SLC25A13: variants seen among roughly 807,000 people sequenced by gnomAD.
The protein encoded by SLC25A13 is electrogenic aspartate/glutamate antiporter SLC25A13, mitochondrial.
A neutral mutation model predicts 85.5 loss-of-function variants in SLC25A13; 70 were observed. The ratio of observed to expected loss-of-function variants is 0.82; its 90% CI spans 0.68 to 1.00. The LOEUF (loss-of-function observed/expected upper bound fraction) is 1.00, where lower values mean the gene tolerates loss of function less well. SLC25A13 is among the 50% of genes least tolerant of loss of function. SLC25A13 has a pLI of 0.00. For missense variants in SLC25A13, 765 were observed against 819.8 expected, an observed-to-expected ratio of 0.93 and a Z score of 0.82; for synonymous variants, 259 against 288.7, an observed-to-expected ratio of 0.90 and a Z score of 1.04.
At chr7:96,146,761 G>T in intron 13 of SLC25A13, 65 bp from the exon 14 acceptor site, 1 of 1,530,964 alleles carries the variant, frequency 6.5e-7, no homozygotes, top group African/African-American at 1.4e-5. Flanking sequence ...AGGAAGAGAT[G>T]AATGATTATT....
chr7:96,194,442 C>CAAAAAAAAAAAAAAAAAAAAAAAAAA (rs546248549), intron 5 of SLC25A13, among the ~76,000 whole-genome samples: 4 of 27,694 alleles, frequency 1.4e-4, no homozygotes, highest in African/African-American at 3.2e-4. Context: ...AACCTTGTCT[C>CAAAAAAAAAAAAAAAAAAAAAAAAAA]AAAAAAAAAA....
At chr7:96,243,510 T>A (rs1462871466) in intron 3 of SLC25A13, among the ~76,000 whole-genome samples, 3 of 152,130 alleles carry the variant, frequency 2.0e-5, no homozygotes, top group African/African-American at 7.2e-5. Context: ...GATACTCTAT[T>A]TCATTGGTCT....
chr7:96,195,903 A>C (rs1359000266), intron 5 of SLC25A13, among the ~76,000 whole-genome samples: 1 of 152,160 alleles, frequency 6.6e-6, no homozygotes, highest in Non-Finnish European at 1.5e-5. Context: ...AACTTGTCTT[A>C]TTTGATCTTA....
intron 11 of SLC25A13, among the ~76,000 whole-genome samples, chr7:96,175,823 G>T (rs1794198201): frequency 6.6e-6 from 1 of 152,208 alleles, no homozygotes; most frequent in Non-Finnish European, 1.5e-5. Context: ...TATATTAGAG[G>T]CCCCGAGCTT....
chr7:96,235,622 C>T (rs1796716565), intron 3 of SLC25A13, among the ~76,000 whole-genome samples: 1 of 152,164 alleles, frequency 6.6e-6, no homozygotes, highest in Admixed American at 6.5e-5. Context: ...GAGGGCACTT[C>T]AGGCAGAAGG....
At chr7:96,210,721 T>A (rs974441138) in intron 4 of SLC25A13, among the ~76,000 whole-genome samples, 4 of 152,112 alleles carry the variant, frequency 2.6e-5, no homozygotes, top group African/African-American at 7.2e-5. Context: ...CTAATCTAGA[T>A]GAATAAATTA....
In SLC25A13 at chr7:96,170,044, C is replaced by T. The variant is rs80338723; in HGVS notation, c.1311+1G>A. 23 of 1,613,844 alleles carry T rather than the reference C, an allele frequency of 1.4e-5. No homozygotes were observed. The East Asian group carries it at 4.5e-4, about 31-fold the overall frequency. On this transcript the variant is annotated splice_donor_variant, in intron 13 of 17. Transcript: ENST00000265631. LOFTEE classifies it high-confidence loss of function. ...TGAAGAGAGCTTCAAAAGGTACTTACGCAGCCTCCAGCAAGAATTTCTGCT... is the reference window on the plus strand; with the variant it reads ...TGAAGAGAGCTTCAAAAGGTACTTATGCAGCCTCCAGCAAGAATTTCTGCT...
chr7:96,158,451 C>T (rs1171505930), intron 13 of SLC25A13, among the ~76,000 whole-genome samples: 1 of 152,000 alleles, frequency 6.6e-6, no homozygotes, highest in African/African-American at 2.4e-5. Flanking sequence ...ATTTAATCAC[C>T]CTCCTTTAAT....
intron 14 of SLC25A13, among the ~76,000 whole-genome samples, chr7:96,138,800 C>A (rs1264893173): frequency 6.6e-6 from 1 of 152,146 alleles, no homozygotes; most frequent in Admixed American, 6.6e-5. Flanking sequence ...AAAAATTGAT[C>A]ATTTGCTGTT....
chr7:96,173,198 A>G (rs1343837114), intron 11 of SLC25A13, among the ~76,000 whole-genome samples: 2 of 152,248 alleles, frequency 1.3e-5, no homozygotes. Flanking sequence ...GAAGTCCTTC[A>G]TTGTGGAATT....
intron 11 of SLC25A13, among the ~76,000 whole-genome samples, chr7:96,173,188 GA>G (rs1794080219): frequency 6.6e-6 from 1 of 152,218 alleles, no homozygotes; most frequent in African/African-American, 2.4e-5. Flanking sequence ...AAAATGGGAG[GA>G]AGTCCTTCAT....
At position 96,146,551 on chromosome 7, in the gene SLC25A13, G is replaced by C. The variant is rs1225955363; in HGVS notation, c.1452+5C>G. On this transcript the variant is annotated splice_donor_5th_base_variant and intron_variant, in intron 14 of 17. Transcript: ENST00000265631. ...AATAAATGACTAAAAAAAAAAAAAAGTTACCTTGTAGATCCCAAAAAACCC... is the reference window on the plus strand; with the variant it reads ...AATAAATGACTAAAAAAAAAAAAAACTTACCTTGTAGATCCCAAAAAACCC... The C allele has an allele frequency of 6.2e-6, 10 of 1,602,080 alleles. No individual in the cohort carries two copies. The highest frequency in any genetic ancestry group is 8.5e-6 in the Non-Finnish European group (10 of 1,174,770).
intron 5 of SLC25A13, among the ~76,000 whole-genome samples, chr7:96,194,366 T>G (rs1473085298): frequency 7.0e-5 from 9 of 129,358 alleles, no homozygotes; most frequent in Non-Finnish European, 1.2e-4. Flanking sequence ...CACCTGAGCC[T>G]GGGGAGGAGG....
chr7:96,241,894 G>A (rs370971455), intron 3 of SLC25A13, among the ~76,000 whole-genome samples: 5 of 152,156 alleles, frequency 3.3e-5, no homozygotes, highest in African/African-American at 1.2e-4. Flanking sequence ...CTCTGTCCTC[G>A]CTTATTCTCA....
intron 2 of SLC25A13, among the ~76,000 whole-genome samples, chr7:96,288,808 G>A (rs1264231233): frequency 6.6e-6 from 1 of 151,994 alleles, no homozygotes; most frequent in African/African-American, 2.4e-5. Flanking sequence ...AGCTCCAGGA[G>A]TCCTCTGTAG....
chr7:96,306,839 A>G, intron 1 of SLC25A13: 4 of 1,386,796 alleles, frequency 2.9e-6, no homozygotes, highest in African/African-American at 1.4e-5. Flanking sequence ...GCAGAAGCAG[A>G]AAAAGGCAAA....
At chr7:96,241,374 T>C (rs1282177859) in intron 3 of SLC25A13, among the ~76,000 whole-genome samples, 2 of 152,222 alleles carry the variant, frequency 1.3e-5, no homozygotes, top group Non-Finnish European at 2.9e-5. Context: ...GCACTGCTGG[T>C]AATGGTGAAA....
chr7:96,150,039 G>C (rs1420728115), intron 13 of SLC25A13, among the ~76,000 whole-genome samples: 1 of 151,948 alleles, frequency 6.6e-6, no homozygotes, highest in Non-Finnish European at 1.5e-5. Flanking sequence ...GTAGGACATG[G>C]GAAAATATTC....
intron 14 of SLC25A13, among the ~76,000 whole-genome samples, chr7:96,136,474 T>C (rs1034261960): frequency 6.6e-6 from 1 of 152,190 alleles, no homozygotes; most frequent in African/African-American, 2.4e-5. Context: ...ACAACAGGAT[T>C]TGTATCTCTC....
Sources: allele counts gnomAD v4.1 joint callset (sites outside exome capture counted in the v4.1 genomes callset), GRCh38; gene constraint gnomAD v4.1.1; transcripts MANE v1.5; gene names NCBI Gene and HGNC (gene_info 2026-07-23, HGNC 2026-07-21).